ZFAND3: variants seen among roughly 807,000 people sequenced by gnomAD.
ZFAND3 encodes the protein AN1-type zinc finger protein 3.
Under a neutral mutation model 29.6 loss-of-function variants are expected in ZFAND3, and 10 were observed. That is an observed-to-expected ratio of 0.34 (90% confidence interval 0.21 to 0.57). The LOEUF is 0.57. ZFAND3 is among the 20% of genes least tolerant of loss of function. The probability of loss-of-function intolerance (pLI) is 0.86; values close to 1 mark genes in which losing one functional copy is unlikely to be tolerated. For missense variants in ZFAND3, 230 were observed against 304.5 expected (o/e 0.76, Z 1.82); for synonymous variants, 128 against 112.6 (o/e 1.14, Z -0.87).
At chr6:38,150,010 C>T (rs1766188798) in intron 5 of ZFAND3, among the ~76,000 whole-genome samples, 1 of 152,118 alleles carries the variant, frequency 6.6e-6, no homozygotes, top group Non-Finnish European at 1.5e-5. Flanking sequence ...CCTGCTGGTG[C>T]CCCTACCCTA....
At chr6:37,897,710 A>G (rs774659967) in intron 1 of ZFAND3, among the ~76,000 whole-genome samples, 1 of 152,058 alleles carries the variant, frequency 6.6e-6, no homozygotes, top group Non-Finnish European at 1.5e-5. Flanking sequence ...TTTTAATTTT[A>G]ATTTGCATTG....
At chr6:37,932,402 G>A (rs1057143567) in intron 2 of ZFAND3, among the ~76,000 whole-genome samples, 2 of 152,190 alleles carry the variant, frequency 1.3e-5, no homozygotes, top group African/African-American at 4.8e-5. Context: ...GAGACAAAAT[G>A]TATACAGGTT....
intron 2 of ZFAND3, among the ~76,000 whole-genome samples, chr6:37,940,342 G>T (rs1046472501): frequency 2.0e-5 from 3 of 152,110 alleles, no homozygotes; most frequent in Admixed American, 2.0e-4. Context: ...ATTTTTCCTG[G>T]ATATAATACC....
At chr6:37,894,223 C>T (rs1021130096) in intron 1 of ZFAND3, among the ~76,000 whole-genome samples, 1 of 152,064 alleles carries the variant, frequency 6.6e-6, no homozygotes, top group African/African-American at 2.4e-5. Flanking sequence ...CCACTGCATT[C>T]CAGCCTGGGC....
intron 2 of ZFAND3, among the ~76,000 whole-genome samples, chr6:38,004,680 A>G (rs1002488719): frequency 2.0e-5 from 3 of 152,206 alleles, no homozygotes; most frequent in African/African-American, 7.2e-5. Flanking sequence ...ATAAGTTTAT[A>G]ATCTTCAGAC....
At chr6:37,856,698 T>A (rs553612485) in intron 1 of ZFAND3, among the ~76,000 whole-genome samples, 2 of 152,158 alleles carry the variant, frequency 1.3e-5, no homozygotes, top group South Asian at 2.1e-4. Context: ...TAATAAAATA[T>A]ACATATTTCT....
intron 5 of ZFAND3, among the ~76,000 whole-genome samples, chr6:38,132,701 C>T (rs529458563): frequency 2.6e-5 from 4 of 152,200 alleles, no homozygotes; most frequent in Non-Finnish European, 5.9e-5. Context: ...TCAGCAGTTT[C>T]CTGGCAGGTA....
At chr6:37,848,458 T>A (rs988883361) in intron 1 of ZFAND3, among the ~76,000 whole-genome samples, 1 of 152,230 alleles carries the variant, frequency 6.6e-6, no homozygotes, top group East Asian at 1.9e-4. Context: ...AAATGGAGAA[T>A]CATTAGATTC....
At chr6:37,870,292 CAAAAAAAAAAAAA>C (rs1174577231) in intron 1 of ZFAND3, among the ~76,000 whole-genome samples, 4 of 33,496 alleles carry the variant, frequency 1.2e-4, no homozygotes, top group Admixed American at 9.6e-4. Context: ...GAGACTGTCT[CAAAAAAAAAAAAA>C]AAAAAAAAAA....
intron 4 of ZFAND3, among the ~76,000 whole-genome samples, chr6:38,086,686 A>C (rs1764764846): frequency 6.6e-6 from 1 of 152,184 alleles, no homozygotes; most frequent in South Asian, 2.1e-4. Context: ...CTGTAACCGG[A>C]GTTACAGTCA....
chr6:38,058,543 G>A (rs1764175158), intron 2 of ZFAND3, among the ~76,000 whole-genome samples: 1 of 152,162 alleles, frequency 6.6e-6, no homozygotes, highest in Admixed American at 6.5e-5. Context: ...AGAAGCAGTG[G>A]GGGCTTTAGA....
chr6:38,128,080 A>C (rs1242569206), intron 5 of ZFAND3, among the ~76,000 whole-genome samples: 1 of 152,350 alleles, frequency 6.6e-6, no homozygotes, highest in Admixed American at 6.5e-5. Flanking sequence ...TTTGCAGCAG[A>C]ACCACCAAAT....
chr6:38,126,916 T>A (rs1765645584), intron 5 of ZFAND3, among the ~76,000 whole-genome samples: 1 of 148,850 alleles, frequency 6.7e-6, no homozygotes, highest in Non-Finnish European at 1.5e-5. Context: ...AGTTTTATTT[T>A]TAGATTGTTT....
chr6:37,920,863 G>A (rs370460912), intron 1 of ZFAND3, among the ~76,000 whole-genome samples: 1 of 152,068 alleles, frequency 6.6e-6, no homozygotes, highest in Admixed American at 6.6e-5. Context: ...GGTCTTTTTC[G>A]TGTTTGCCTA....
At chr6:38,148,199 A>G (rs1312651615) in intron 5 of ZFAND3, among the ~76,000 whole-genome samples, 4 of 152,330 alleles carry the variant, frequency 2.6e-5, no homozygotes, top group East Asian at 3.9e-4. Flanking sequence ...TCTGAGCACC[A>G]TTTATTGAAG....
At chr6:38,128,564 A>G (rs1765681234) in intron 5 of ZFAND3, among the ~76,000 whole-genome samples, 2 of 152,100 alleles carry the variant, frequency 1.3e-5, no homozygotes, top group South Asian at 4.2e-4. Context: ...GCTCCCTCTT[A>G]GGAGTGAGAA....
At chr6:37,843,880 T>C (rs1764126002) in intron 1 of ZFAND3, among the ~76,000 whole-genome samples, 1 of 152,014 alleles carries the variant, frequency 6.6e-6, no homozygotes, top group African/African-American at 2.4e-5. Context: ...TAATAAATAC[T>C]AACAAATGCT....
chr6:37,947,886 G>A (rs1019131645), intron 2 of ZFAND3, among the ~76,000 whole-genome samples: 3 of 152,040 alleles, frequency 2.0e-5, no homozygotes, highest in Non-Finnish European at 4.4e-5. Context: ...GGAGCATTTA[G>A]CTTAGTATTT....
chr6:38,110,025 C>T (rs1470362350), intron 4 of ZFAND3, among the ~76,000 whole-genome samples: 8 of 152,144 alleles, frequency 5.3e-5, no homozygotes, highest in Non-Finnish European at 1.2e-4. Context: ...GAGAGGGAGA[C>T]TAATGCTTAG....
Sources: gnomAD v4.1 joint callset for allele counts (sites outside exome capture counted in the v4.1 genomes callset) on GRCh38, gnomAD v4.1.1 for gene constraint, MANE v1.5 for transcripts, NCBI Gene and HGNC (gene_info 2026-07-23, HGNC 2026-07-21) for gene names.